Variants in CEP128 observed in about 807,000 individuals in gnomAD.
CEP128 encodes centrosomal protein 128kDa.
Under a neutral mutation model 156.7 loss-of-function variants are expected in CEP128, and 132 were observed. The observed-to-expected ratio is 0.84, with a 90% CI of 0.73 to 0.97. The LOEUF is 0.97. CEP128 is among the 50% of genes least tolerant of loss of function. The pLI is 0.00. For missense variants in CEP128, 1,252 were observed against 1,281.9 expected (o/e 0.98, Z 0.36); for synonymous variants, 469 against 448.9 (o/e 1.04, Z -0.57).
At chr14:80,831,075 T>C (rs1485577500) in intron 13 of CEP128, 68 bp downstream of exon 13, 9 of 1,380,810 alleles carry the variant, frequency 6.5e-6, no homozygotes, top group Non-Finnish European at 9.3e-6. Context: ...TATATTAAAA[T>C]TTCATTAAGC....
intron 13 of CEP128, among the ~76,000 whole-genome samples, chr14:80,802,611 A>G (rs1883942050): frequency 1.3e-5 from 2 of 152,118 alleles, no homozygotes. Flanking sequence ...TGGCACACAT[A>G]TAACCTATGT....
intron 4 of CEP128, among the ~76,000 whole-genome samples, chr14:80,913,785 CA>C (rs1566712453): frequency 2.0e-5 from 3 of 151,844 alleles, no homozygotes; most frequent in African/African-American, 7.3e-5. Flanking sequence ...AGGTTGGGAG[CA>C]GGGTAAAAGA....
chr14:80,726,568 A>G (rs1178100269), intron 19 of CEP128, among the ~76,000 whole-genome samples: 1 of 152,202 alleles, frequency 6.6e-6, no homozygotes, highest in Non-Finnish European at 1.5e-5. Context: ...ATGGAATTCA[A>G]TGGCATCACA....
At chr14:80,829,132 T>C (rs1374535028) in intron 13 of CEP128, among the ~76,000 whole-genome samples, 1 of 152,106 alleles carries the variant, frequency 6.6e-6, no homozygotes, top group East Asian at 1.9e-4. Flanking sequence ...ATACAGACAA[T>C]AAACTTGTTC....
upstream of CEP128, among the ~76,000 whole-genome samples, chr14:80,946,460 C>G (rs545974801): frequency 6.6e-6 from 1 of 151,788 alleles, no homozygotes; most frequent in South Asian, 2.1e-4. Flanking sequence ...TAAGATTATA[C>G]TAATGAGATC....
chr14:80,855,282 A>T (rs72693016), intron 9 of CEP128, among the ~76,000 whole-genome samples: 2 of 151,938 alleles, frequency 1.3e-5, no homozygotes, highest in African/African-American at 4.8e-5. Context: ...CTGTCCAAGG[A>T]CTCAATTCTA....
At chr14:80,513,217 C>T (rs1419122771) in intron 23 of CEP128, among the ~76,000 whole-genome samples, 3 of 152,224 alleles carry the variant, frequency 2.0e-5, no homozygotes, top group Admixed American at 2.0e-4. Context: ...TTCCCCTTCA[C>T]ATGTGAAGGA....
At chr14:80,525,721 T>C (rs1888945433) in intron 23 of CEP128, among the ~76,000 whole-genome samples, 1 of 152,198 alleles carries the variant, frequency 6.6e-6, no homozygotes, top group Admixed American at 6.5e-5. Flanking sequence ...GGATGCTCTC[T>C]TCACAGTAAG....
chr14:80,697,814 C>T (rs1566863171), intron 19 of CEP128, among the ~76,000 whole-genome samples: 1 of 151,848 alleles, frequency 6.6e-6, no homozygotes. Context: ...GTTGATAAGC[C>T]AAATGCTGAA....
At chr14:80,714,617 C>T (rs1266267739) in intron 19 of CEP128, among the ~76,000 whole-genome samples, 1 of 152,044 alleles carries the variant, frequency 6.6e-6, no homozygotes, top group Non-Finnish European at 1.5e-5. Flanking sequence ...AGCTCTCTAA[C>T]AGGCAAACCT....
chr14:80,481,471 C>T (rs1193192514), intron 14 of CEP128, among the ~76,000 whole-genome samples: 1 of 152,192 alleles, frequency 6.6e-6, no homozygotes, highest in East Asian at 1.9e-4. Context: ...CACAGCCAAA[C>T]CATACCACAA....
chr14:80,718,139 C>T (rs1006956559), intron 19 of CEP128, among the ~76,000 whole-genome samples: 3 of 152,130 alleles, frequency 2.0e-5, no homozygotes, highest in Non-Finnish European at 1.5e-5. Context: ...GTGAGACTTA[C>T]TTTTTCATGT....
chr14:80,889,081 A>G (rs1888950490), intron 8 of CEP128, among the ~76,000 whole-genome samples: 1 of 152,118 alleles, frequency 6.6e-6, no homozygotes, highest in African/African-American at 2.4e-5. Flanking sequence ...AAGGGACATG[A>G]AGAACCTCTT....
intron 19 of CEP128, among the ~76,000 whole-genome samples, chr14:80,704,965 C>CT (rs1383375057): frequency 2.0e-5 from 3 of 152,076 alleles, no homozygotes; most frequent in African/African-American, 7.2e-5. Context: ...TCCAAAGCCA[C>CT]TTAACCACCC....
chr14:80,634,125 G>T (rs1249653516), intron 19 of CEP128, among the ~76,000 whole-genome samples: 1 of 152,180 alleles, frequency 6.6e-6, no homozygotes, highest in African/African-American at 2.4e-5. Context: ...ACATCCTACA[G>T]AAAATGAGAA....
chr14:80,924,238 A>G (rs1012469752), intron 2 of CEP128, among the ~76,000 whole-genome samples: 4 of 152,230 alleles, frequency 2.6e-5, no homozygotes, highest in Non-Finnish European at 5.9e-5. Context: ...ACAATTAACA[A>G]TTGTACCTGT....
At chr14:80,736,481 T>A (rs1434001680) in intron 19 of CEP128, among the ~76,000 whole-genome samples, 4 of 152,036 alleles carry the variant, frequency 2.6e-5, no homozygotes, top group African/African-American at 9.7e-5. Context: ...ATTTAACATT[T>A]CTGAATTTTC....
chr14:80,618,575 A>T (rs1437211095), intron 19 of CEP128, among the ~76,000 whole-genome samples: 1 of 152,262 alleles, frequency 6.6e-6, no homozygotes, highest in African/African-American at 2.4e-5. Context: ...GCTGCAGTAG[A>T]CTATGAATGG....
chr14:80,647,597 G>T (rs181775138), intron 19 of CEP128, among the ~76,000 whole-genome samples: 222 of 152,068 alleles, frequency 1.5e-3, no homozygotes, highest in Middle Eastern at 3.4e-3. Context: ...GAGACCTACT[G>T]TTGCAATGGT....
Sources: gnomAD v4.1 joint callset for allele counts (sites outside exome capture counted in the v4.1 genomes callset) on GRCh38, gnomAD v4.1.1 for gene constraint, MANE v1.5 for transcripts, NCBI Gene and HGNC (gene_info 2026-07-23, HGNC 2026-07-21) for gene names.